Variants in NRCAM observed in about 807,000 individuals in gnomAD.
The protein encoded by NRCAM is NgCAM-related cell adhesion molecule.
NRCAM carries 83 observed loss-of-function variants against 156.5 expected under a neutral mutation model. The observed-to-expected ratio is 0.53, with a 90% CI of 0.44 to 0.64. The LOEUF (loss-of-function observed/expected upper bound fraction) is 0.64. Ranked by LOEUF, NRCAM falls within the 30% of genes least tolerant of loss-of-function variation. NRCAM has a pLI of 0.00. For synonymous variants in NRCAM, 538 were observed against 563.9 expected (o/e 0.95, Z 0.65); for missense variants, 1,417 against 1,597.3 (o/e 0.89, Z 1.92).
chr7:108,366,198 G>C (rs1256630423), intron 2 of NRCAM, among the ~76,000 whole-genome samples: 1 of 152,140 alleles, frequency 6.6e-6, no homozygotes, highest in African/African-American at 2.4e-5. Flanking sequence ...ATAAATTTCT[G>C]TTCTTTATAA....
At chr7:108,388,058 T>C (rs1343097919) in intron 2 of NRCAM, among the ~76,000 whole-genome samples, 1 of 152,106 alleles carries the variant, frequency 6.6e-6, no homozygotes, top group African/African-American at 2.4e-5. Flanking sequence ...ATTTATAATC[T>C]TTTGGGTATA....
At chr7:108,298,525 C>T (rs188438215) in intron 3 of NRCAM, among the ~76,000 whole-genome samples, 257 of 151,678 alleles carry the variant, frequency 1.7e-3, no homozygotes, top group Admixed American at 4.9e-3. Flanking sequence ...TGGTGCTGGA[C>T]GCCTATAGTC....
intron 2 of NRCAM, among the ~76,000 whole-genome samples, chr7:108,343,332 C>T (rs192562987): frequency 3.9e-5 from 6 of 152,262 alleles, no homozygotes; most frequent in Admixed American, 2.0e-4. Flanking sequence ...TCCTAACTTC[C>T]GAGGGAACAC....
chr7:108,166,981 C>A lies in NRCAM; in HGVS notation c.3406G>T (p.Val1136Phe). The change falls in exon 30 of 33, where the codon GTT (valine) becomes TTT (phenylalanine). Residue 1136 changes from valine (V) to phenylalanine (F), a missense_variant. Around this residue, in one of 2 missense-constraint regions of NRCAM, gnomAD observed 179 missense variants for 260.9 expected, o/e 0.69. Transcript: ENST00000379028. ...LMPGTAYKVR[V>F]GAVGDSGFVS... Reference sequence around the variant, plus strand: ...AAACCAGAGTCCCCCACAGCACCAACTCGAACTTTGTATGCTGTTCCTGGC... The same window carrying A: ...AAACCAGAGTCCCCCACAGCACCAAATCGAACTTTGTATGCTGTTCCTGGC... The A allele has an allele frequency of 6.2e-7, 1 of 1,613,978 alleles. No individual in the cohort carries two copies. The highest frequency in any genetic ancestry group is 1.1e-5 in the South Asian group (1 of 91,074).
At chr7:108,389,035 A>C (rs2099750959) in intron 2 of NRCAM, among the ~76,000 whole-genome samples, 2 of 152,088 alleles carry the variant, frequency 1.3e-5, no homozygotes, top group South Asian at 4.1e-4. Flanking sequence ...TTTTCTTGGC[A>C]ATGTGGGCTC....
intron 3 of NRCAM, among the ~76,000 whole-genome samples, chr7:108,298,415 G>A (rs1182592032): frequency 6.6e-6 from 1 of 151,856 alleles, no homozygotes; most frequent in East Asian, 1.9e-4. Context: ...GGAGGCCGAG[G>A]CAGGAGGATC....
intron 2 of NRCAM, among the ~76,000 whole-genome samples, chr7:108,315,263 CT>C (rs200258878): frequency 1.3e-5 from 2 of 151,236 alleles, no homozygotes; most frequent in African/African-American, 4.9e-5. Flanking sequence ...AGCCCAAACT[CT>C]TTTTTTTTCT....
chr7:108,230,376 T>G (rs1306990499), intron 8 of NRCAM, among the ~76,000 whole-genome samples: 2 of 152,148 alleles, frequency 1.3e-5, no homozygotes, highest in Admixed American at 1.3e-4. Context: ...ACAGTCTCTC[T>G]ACTCTCTCTT....
In NRCAM at chr7:108,432,032, G is replaced by A. The variant is rs116762908; in HGVS notation, c.-332+24211C>T. Among the ~76,000 whole-genome samples the A allele has an allele frequency of 1.1e-3, 163 of 152,274 alleles. 1 individual carries two copies. Among genetic ancestry groups the A allele is most frequent in the African/African-American group, 3.6e-3 (150 of 41,552 alleles). On this transcript the variant is annotated intron_variant, in intron 1 of 32. Coordinates refer to ENST00000379028, the MANE Select transcript of NRCAM (RefSeq NM_001037132.4). ...AAGTTCCAAAGGTTAGCAGGGGAGGGAAGAAGACAGGCAATGCTGCTAAGA... is the reference window on the plus strand; with the variant it reads ...AAGTTCCAAAGGTTAGCAGGGGAGGAAAGAAGACAGGCAATGCTGCTAAGA...
In NRCAM at chr7:108,354,190, G is replaced by T. The variant is rs2154299184; in HGVS notation, c.-173-41459C>A. Among the ~76,000 whole-genome samples the T allele has an allele frequency of 2.0e-5, 3 of 152,210 alleles. No individual in the cohort carries two copies. The South Asian group carries it at 6.2e-4, about 32-fold the overall frequency. On this transcript the variant is annotated intron_variant, in intron 2 of 32. Transcript: ENST00000379028. ...GTATAAATATAAATAGGATTTCCAA[G>T]AAATATATAAATGGTTTAACATTAC... is the stretch of plus-strand genomic sequence containing the variant.
intron 1 of NRCAM, among the ~76,000 whole-genome samples, chr7:108,428,783 C>T (rs956162135): frequency 6.6e-6 from 1 of 152,080 alleles, no homozygotes; most frequent in African/African-American, 2.4e-5. Context: ...TTCTTTTTCT[C>T]CCATCTTACT....
At chr7:108,424,703 G>C (rs1385961430) in intron 1 of NRCAM, among the ~76,000 whole-genome samples, 3 of 152,108 alleles carry the variant, frequency 2.0e-5, no homozygotes, top group Non-Finnish European at 4.4e-5. Flanking sequence ...ATTCTATCAT[G>C]AAAATATCAG....
intron 2 of NRCAM, among the ~76,000 whole-genome samples, chr7:108,356,534 C>G (rs2099499308): frequency 6.6e-6 from 1 of 151,916 alleles, no homozygotes; most frequent in Non-Finnish European, 1.5e-5. Flanking sequence ...TGGCTGTGGC[C>G]TAACCTAAAA....
intron 1 of NRCAM, among the ~76,000 whole-genome samples, chr7:108,450,923 T>C (rs1849533316): frequency 6.6e-6 from 1 of 152,182 alleles, no homozygotes; most frequent in African/African-American, 2.4e-5. Flanking sequence ...TTTACAGCTT[T>C]AAAAGATAAC....
rs1269933479 is a variant in NRCAM at position 108,323,281 on chromosome 7, G to A, written c.-173-10550C>T. Among the ~76,000 whole-genome samples the A allele has an allele frequency of 3.3e-5, 5 of 152,072 alleles. No homozygotes were observed. In the East Asian group the frequency reaches 5.8e-4, roughly 18 times the overall value. ...ATTCAATTCCTTTGCTTTGAAAATCGTTACTTTGGAAGCAAAGCAACCAAT... is the reference window on the plus strand; with the variant it reads ...ATTCAATTCCTTTGCTTTGAAAATCATTACTTTGGAAGCAAAGCAACCAAT... On this transcript the variant is annotated intron_variant, in intron 2 of 32. Coordinates refer to ENST00000379028, the MANE Select transcript of NRCAM (RefSeq NM_001037132.4).
At chr7:108,172,744 G>A (rs2058969708) in intron 28 of NRCAM, among the ~76,000 whole-genome samples, 1 of 152,200 alleles carries the variant, frequency 6.6e-6, no homozygotes, top group Non-Finnish European at 1.5e-5. Flanking sequence ...AGAATGGTAA[G>A]AAGAAGGGTT....
rs549218338 is a variant in NRCAM, at chr7:108,323,530, T to C, written c.-173-10799A>G. 1.4e-4 allele frequency among the ~76,000 whole-genome samples: 21 copies of C among 152,332 alleles called. No individual in the cohort carries two copies. The South Asian group carries it at 4.4e-3, about 32-fold the overall frequency. On this transcript the variant is annotated intron_variant, in intron 2 of 32. Coordinates refer to ENST00000379028, the MANE Select transcript of NRCAM (RefSeq NM_001037132.4). ...TCCTTATTGTGCAATCCCCAGACTT[T>C]TATTACTCTTAGAGAAAGCAAATTC...
chr7:108,242,258 C>T (rs77692095), intron 3 of NRCAM, among the ~76,000 whole-genome samples: 9 of 98,528 alleles, frequency 9.1e-5, no homozygotes, highest in African/African-American at 3.7e-4. Context: ...GACCCCGTCT[C>T]AAAAAAAAAA....
intron 1 of NRCAM, among the ~76,000 whole-genome samples, chr7:108,413,601 T>C (rs1401683805): frequency 6.6e-6 from 1 of 152,216 alleles, no homozygotes; most frequent in Non-Finnish European, 1.5e-5. Flanking sequence ...TCCTTTACTC[T>C]GATCCTTCAA....
Sources: gnomAD v4.1 joint callset for allele counts (sites outside exome capture counted in the v4.1 genomes callset) on GRCh38, gnomAD v4.1.1 for gene constraint, gnomAD v4.1.1 regional missense constraint, MANE v1.5 for transcripts, NCBI Gene and HGNC (gene_info 2026-07-23, HGNC 2026-07-21) for gene names.